Variants in MYO5A observed in about 807,000 individuals in gnomAD.
MYO5A encodes unconventional myosin-Va.
In MYO5A, 98 loss-of-function variants were observed where a neutral mutation model predicts 249.7. The ratio of observed to expected loss-of-function variants is 0.39; its 90% CI spans 0.33 to 0.46. The LOEUF is 0.46. Among genes scored for constraint, MYO5A ranks in the 20% least tolerant of loss-of-function variants. The probability of loss-of-function intolerance (pLI) is 0.98; values close to 1 mark genes in which losing one functional copy is unlikely to be tolerated. For synonymous variants in MYO5A, 778 were observed against 810.6 expected, an observed-to-expected ratio of 0.96 and a Z score of 0.68; for missense variants, 1,696 against 2,308.8, an observed-to-expected ratio of 0.73 and a Z score of 5.44.
intron 1 of MYO5A, among the ~76,000 whole-genome samples, chr15:52,495,293 G>T (rs1368544769): frequency 6.6e-6 from 1 of 152,108 alleles, no homozygotes; most frequent in Admixed American, 6.5e-5. Flanking sequence ...AAATAAGCTA[G>T]TCACAGAGAT....
chr15:52,363,999 G>A (rs967259327), intron 24 of MYO5A, among the ~76,000 whole-genome samples: 1 of 152,168 alleles, frequency 6.6e-6, no homozygotes, highest in African/African-American at 2.4e-5. Flanking sequence ...AGCACTTTGG[G>A]AGGCCAAGGT....
intron 37 of MYO5A, among the ~76,000 whole-genome samples, chr15:52,322,179 C>T (rs935311631): frequency 6.6e-6 from 1 of 152,234 alleles, no homozygotes; most frequent in Non-Finnish European, 1.5e-5. Flanking sequence ...TCCCTACAGC[C>T]AAGCATCTGC....
Position 52,428,519 on chromosome 15 carries a change from T to A in MYO5A, c.189A>T (p.Arg63=), listed in dbSNP as rs1237364633. The change falls in exon 3 of 42, where the codon CGA becomes CGT. Residue 63 remains arginine, a synonymous_variant. Transcript: ENST00000399233. ...TTTCACCAACAAGTATGTCAGGATTTCGTAAGTGAGGCAGCTCCTTGGTCT... is the reference window on the plus strand; with the variant it reads ...TTTCACCAACAAGTATGTCAGGATTACGTAAGTGAGGCAGCTCCTTGGTCT... ...DPKTKELPHL[R]NPDILVGEND... is the part of the protein sequence containing the mutation. 1.2e-6 allele frequency: 2 copies of A among 1,614,200 alleles called. No individual in the cohort carries two copies. The highest frequency in any genetic ancestry group is 1.7e-5 in the Admixed American group (1 of 60,020).
chr15:52,332,261 T>C (rs562264327), intron 34 of MYO5A, among the ~76,000 whole-genome samples: 56 of 152,340 alleles, frequency 3.7e-4, no homozygotes, highest in African/African-American at 1.3e-3. Context: ...AACCCACTGA[T>C]TTATCAAATC....
At chr15:52,343,766 T>G (rs979010739) in intron 30 of MYO5A, among the ~76,000 whole-genome samples, 7 of 152,222 alleles carry the variant, frequency 4.6e-5, no homozygotes, top group African/African-American at 1.7e-4. Context: ...TTTTAAAAGC[T>G]TTTTTGTGTC....
chr15:52,526,612 C>G (rs1034175247), intron 1 of MYO5A, among the ~76,000 whole-genome samples: 3 of 152,078 alleles, frequency 2.0e-5, no homozygotes, highest in Non-Finnish European at 1.5e-5. Context: ...TCACCCACCT[C>G]GGCAACGTGT....
chr15:52,322,805 T>C (rs1450762201), intron 37 of MYO5A, among the ~76,000 whole-genome samples: 1 of 151,942 alleles, frequency 6.6e-6, no homozygotes, highest in Admixed American at 6.6e-5. Flanking sequence ...GGTCCTCTTA[T>C]TGTCCAAGAG....
intron 1 of MYO5A, among the ~76,000 whole-genome samples, chr15:52,528,442 C>T (rs890801668): frequency 1.3e-5 from 2 of 152,226 alleles, no homozygotes; most frequent in Non-Finnish European, 2.9e-5. Context: ...CGGGAATTTT[C>T]CAAAGCCAAG....
chr15:52,356,776 T>G (rs2040240698), intron 25 of MYO5A, among the ~76,000 whole-genome samples: 1 of 130,136 alleles, frequency 7.7e-6, no homozygotes, highest in Admixed American at 7.0e-5. Flanking sequence ...CACTTCGCTG[T>G]TGATTTAATT....
chr15:52,343,262 T>C (rs1431715874), intron 30 of MYO5A, 65 bp from the exon 31 acceptor site: 2 of 1,304,240 alleles, frequency 1.5e-6, no homozygotes, highest in Non-Finnish European at 2.2e-6. Flanking sequence ...GAGGTGACGA[T>C]GGTCAACAGC....
intron 11 of MYO5A, among the ~76,000 whole-genome samples, chr15:52,394,400 G>T (rs1260592968): frequency 1.3e-5 from 2 of 152,196 alleles, no homozygotes; most frequent in Non-Finnish European, 2.9e-5. Context: ...AAATGAATGG[G>T]AGATAAGCAA....
At chr15:52,481,742 A>C (rs753065775) in intron 1 of MYO5A, among the ~76,000 whole-genome samples, 47 of 152,198 alleles carry the variant, frequency 3.1e-4, no homozygotes, top group Non-Finnish European at 5.3e-4. Flanking sequence ...GAGGAATAAC[A>C]AGTAGTTTAG....
intron 40 of MYO5A, among the ~76,000 whole-genome samples, chr15:52,316,095 G>A (rs1470269720): frequency 4.6e-5 from 7 of 151,050 alleles, no homozygotes; most frequent in African/African-American, 1.5e-4. Flanking sequence ...TTAGCCAGGC[G>A]TGGTGGCAGG....
chr15:52,410,066 C>A (rs2043183125), intron 6 of MYO5A, among the ~76,000 whole-genome samples: 2 of 152,136 alleles, frequency 1.3e-5, no homozygotes, highest in South Asian at 4.1e-4. Flanking sequence ...ACCAATAGCA[C>A]CTGTTCTCAA....
intron 12 of MYO5A, among the ~76,000 whole-genome samples, chr15:52,391,049 G>C (rs1286985499): frequency 1.3e-5 from 2 of 151,970 alleles, no homozygotes; most frequent in African/African-American, 4.8e-5. Context: ...GGATACTTTT[G>C]CAAGTATAAT....
At chr15:52,327,632 G>A (rs535552582) in intron 36 of MYO5A, among the ~76,000 whole-genome samples, 1 of 152,178 alleles carries the variant, frequency 6.6e-6, no homozygotes, top group Non-Finnish European at 1.5e-5. Context: ...GCTTGAGCCT[G>A]GGATTGCACT....
At chr15:52,386,600 T>C (rs1407166114) in intron 14 of MYO5A, among the ~76,000 whole-genome samples, 1 of 151,186 alleles carries the variant, frequency 6.6e-6, no homozygotes. Flanking sequence ...GAGGCTGGAG[T>C]ACAGTGGCAC....
intron 1 of MYO5A, among the ~76,000 whole-genome samples, chr15:52,464,738 G>A (rs1332764196): frequency 6.6e-6 from 1 of 152,206 alleles, no homozygotes; most frequent in Non-Finnish European, 1.5e-5. Flanking sequence ...TATACTGCAT[G>A]AGACAGGGAT....
At chr15:52,357,538 CAA>C (rs2040303013) in intron 25 of MYO5A, among the ~76,000 whole-genome samples, 1 of 150,404 alleles carries the variant, frequency 6.6e-6, no homozygotes, top group Admixed American at 6.6e-5. Flanking sequence ...GATTGCTGGA[CAA>C]GAGCAAAATT....
Sources: allele counts gnomAD v4.1 joint callset (sites outside exome capture counted in the v4.1 genomes callset), GRCh38; gene constraint gnomAD v4.1.1; transcripts MANE v1.5; gene names NCBI Gene and HGNC (gene_info 2026-07-23, HGNC 2026-07-21).